Variants in DLC1 observed in about 807,000 individuals in gnomAD.
DLC1 encodes the protein DLC1 Rho GTPase activating protein.
A neutral mutation model predicts 140.3 loss-of-function variants in DLC1; 54 were observed. The observed-to-expected ratio is 0.38, with a 90% confidence interval of 0.31 to 0.48. The LOEUF is 0.48. DLC1 is among the 20% of genes least tolerant of loss of function. DLC1 has a pLI of 0.96. For synonymous variants in DLC1, 986 were observed against 728.1 expected (o/e 1.35, Z -5.70); for missense variants, 2,536 against 1,907.0 (o/e 1.33, Z -6.14).
At chr8:13,559,012 A>G (rs1184986729) in intron 1 of DLC1, 1 of 152,258 alleles carries the variant, frequency 6.6e-6, no homozygotes. Context: ...ACCTACACAT[A>G]TTAGTAAAGG....
At chr8:13,445,096 A>G (rs1798715441) in intron 2 of DLC1, among the ~76,000 whole-genome samples, 1 of 152,080 alleles carries the variant, frequency 6.6e-6, no homozygotes, top group Non-Finnish European at 1.5e-5. Context: ...GAAGAGAGTG[A>G]GAAAGAGAAA....
chr8:13,201,290 T>C (rs1204253781), intron 5 of DLC1, among the ~76,000 whole-genome samples: 1 of 152,164 alleles, frequency 6.6e-6, no homozygotes, highest in African/African-American at 2.4e-5. Context: ...AAATATATTG[T>C]GTCAAACTGC....
At position 13,533,837 on chromosome 8, in the gene DLC1, A is replaced by G. The variant is rs372040313; in HGVS notation, c.-125-33641T>C. Among the ~76,000 whole-genome samples, 16 of 152,274 alleles carry G rather than the reference A, an allele frequency of 1.1e-4. No homozygotes were observed. The South Asian group carries it at 2.3e-3, about 22-fold the overall frequency. ...TTCTCACAAGATCTGATAGTTCTATAAGTGGCAGTTTTTCTTGCTCTCTCT... is the reference window on the plus strand; with the variant it reads ...TTCTCACAAGATCTGATAGTTCTATGAGTGGCAGTTTTTCTTGCTCTCTCT... On this transcript the variant is annotated intron_variant, in intron 1 of 1. Coordinates refer to the DLC1 transcript ENST00000631382.
At chr8:13,387,748 A>G (rs940053722) in intron 4 of DLC1, among the ~76,000 whole-genome samples, 1 of 152,118 alleles carries the variant, frequency 6.6e-6, no homozygotes, top group Non-Finnish European at 1.5e-5. Context: ...ACATATACCT[A>G]AAGTATAGCC....
At chr8:13,221,710 A>G (rs13254830) in intron 5 of DLC1, among the ~76,000 whole-genome samples, 1 of 104,680 alleles carries the variant, frequency 9.6e-6, no homozygotes, top group African/African-American at 4.0e-5. Context: ...ATGTGTGTGT[A>G]TATGTGTGTG....
chr8:13,133,317 C>A, intron 5 of DLC1: 1 of 1,199,436 alleles, frequency 8.3e-7, no homozygotes, highest in Middle Eastern at 3.4e-4. Context: ...CCAGCCGGGC[C>A]CTCCCGCTGG....
In DLC1 at chr8:13,175,072, G is replaced by A. The variant is rs534751232; in HGVS notation, c.1349-59415C>T. On this transcript the variant is annotated intron_variant, in intron 5 of 17. Coordinates refer to ENST00000276297, the MANE Select transcript of DLC1 (RefSeq NM_182643.3). ...GTGAAAGGTAGGGGTCCATTCTTCT[G>A]CATACGGCTAGCCAGTTATCCCAGC... 2.0e-5 allele frequency among the ~76,000 whole-genome samples: 3 copies of A among 152,200 alleles called. No homozygotes were observed. In the South Asian group the frequency reaches 6.2e-4, roughly 32 times the overall value.
chr8:13,213,213 A>T (rs553845293), intron 5 of DLC1, among the ~76,000 whole-genome samples: 1 of 152,342 alleles, frequency 6.6e-6, no homozygotes, highest in South Asian at 2.1e-4. Context: ...TTTTGGCTGT[A>T]TGTAGCTCAG....
rs761900511 is a variant in DLC1, at chr8:13,499,920, T to G, written c.152A>C (p.Asn51Thr). 5.0e-6 allele frequency: 8 copies of G among 1,613,966 alleles called. No individual in the cohort carries two copies. The highest frequency in any genetic ancestry group is 6.8e-6 in the Non-Finnish European group (8 of 1,180,008). Residue 51 changes from asparagine to threonine, a missense_variant, in exon 2 of 18, where the codon AAT (asparagine) becomes ACT (threonine). Transcript: ENST00000276297. ...AACACACTTCTCTTTGCGGTCCACA[T>G]TTAGAGTTGCATCTTTTTCCATACT... is the stretch of plus-strand genomic sequence containing the variant. ...QASMEKDATLNVDRKEKCVSL... is the reference protein window; with the variant it reads ...QASMEKDATLTVDRKEKCVSL...
At chr8:13,446,413 C>T (rs886791724) in intron 2 of DLC1, among the ~76,000 whole-genome samples, 1 of 152,168 alleles carries the variant, frequency 6.6e-6, no homozygotes, top group African/African-American at 2.4e-5. Context: ...TTGAGTTCCA[C>T]AGACCTTTCT....
chr8:13,583,816 C>G (rs997974492), intron 1 of DLC1: 2 of 152,306 alleles, frequency 1.3e-5, no homozygotes, highest in African/African-American at 2.4e-5. Flanking sequence ...TGAAAATTGT[C>G]TTGAGTGTCC....
At position 13,223,073 on chromosome 8, in the gene DLC1, A is replaced by G. The variant is rs139747547; in HGVS notation, c.1348+82196T>C. The stretch of plus-strand genomic sequence containing the variant: ...TGGCCAGACCTTTTTTTGAAATTCT[A>G]GTTCTATCGGTTATTAGTTATGTGA... On this transcript the variant is annotated intron_variant, in intron 5 of 17. Coordinates refer to ENST00000276297, the MANE Select transcript of DLC1 (RefSeq NM_182643.3). Among the ~76,000 whole-genome samples, 6 of 152,158 alleles carry G rather than the reference A, an allele frequency of 3.9e-5. No individual in the cohort carries two copies. In the East Asian group the frequency reaches 1.2e-3, roughly 29 times the overall value.
intron 4 of DLC1, among the ~76,000 whole-genome samples, chr8:13,345,547 CTTTTTTTTTTTTTT>C (rs535092622): frequency 1.5e-5 from 1 of 67,520 alleles, no homozygotes; most frequent in Admixed American, 2.5e-4. Flanking sequence ...TTCACTCACA[CTTTTTTTTTTTTTT>C]TTTTTTTTTG....
At chr8:13,155,427 A>C (rs1243631498) in intron 5 of DLC1, among the ~76,000 whole-genome samples, 2 of 152,042 alleles carry the variant, frequency 1.3e-5, no homozygotes, top group Non-Finnish European at 2.9e-5. Context: ...TACTGTAATT[A>C]TAATAAATGT....
intron 1 of DLC1, among the ~76,000 whole-genome samples, chr8:13,508,283 A>G (rs1425086823): frequency 2.0e-5 from 3 of 152,202 alleles, no homozygotes; most frequent in Admixed American, 6.5e-5. Flanking sequence ...CCCGCATGTA[A>G]TTTGAGGAAA....
At chr8:13,413,646 C>T (rs1352774925) in intron 2 of DLC1, among the ~76,000 whole-genome samples, 1 of 151,908 alleles carries the variant, frequency 6.6e-6, no homozygotes, top group African/African-American at 2.4e-5. Flanking sequence ...AGGAGGTTCC[C>T]CCATGCTGTT....
At chr8:13,364,280 C>T (rs1163898249) in intron 4 of DLC1, among the ~76,000 whole-genome samples, 1 of 150,808 alleles carries the variant, frequency 6.6e-6, no homozygotes, top group Non-Finnish European at 1.5e-5. Context: ...TTTAAGTTTC[C>T]AGTTCTCTGG....
chr8:13,121,052 C>G (rs1821014819), intron 5 of DLC1, among the ~76,000 whole-genome samples: 1 of 152,070 alleles, frequency 6.6e-6, no homozygotes, highest in African/African-American at 2.4e-5. Context: ...TAATATGCCA[C>G]CAAAATCAGG....
chr8:13,531,856 A>G (rs1433794701), intron 1 of DLC1, among the ~76,000 whole-genome samples: 1 of 152,156 alleles, frequency 6.6e-6, no homozygotes, highest in Non-Finnish European at 1.5e-5. Flanking sequence ...GGAAAGGCTT[A>G]CCATATATTA....
Sources: gnomAD v4.1 joint callset for allele counts (sites outside exome capture counted in the v4.1 genomes callset) on GRCh38, gnomAD v4.1.1 for gene constraint, MANE v1.5 for transcripts, NCBI Gene and HGNC (gene_info 2026-07-23, HGNC 2026-07-21) for gene names.